Variants in MIEF2 observed in about 807,000 individuals in gnomAD.
MIEF2 encodes the protein mitochondrial elongation factor 2.
MIEF2 carries 1 observed loss-of-function variant against 7.4 expected under a neutral mutation model. That is an observed-to-expected ratio of 0.14 (90% confidence interval 0.05 to 0.64). The LOEUF is 0.64. Ranked by LOEUF, MIEF2 falls within the 30% of genes least tolerant of loss-of-function variation. The pLI, the probability that MIEF2 is intolerant of heterozygous loss-of-function variation, is 0.85. For missense variants in MIEF2, 569 were observed against 623.9 expected (o/e 0.91, Z 0.94); for synonymous variants, 275 against 290.5 (o/e 0.95, Z 0.54).
intron 3 of MIEF2, 174 bp downstream of exon 3, chr17:18,263,422 G>A (rs139394616): frequency 5.8e-5 from 58 of 1,000,234 alleles, no homozygotes; most frequent in Non-Finnish European, 8.2e-5. Context: ...CAAGGTGGTA[G>A]CGTTGTGATG....
rs115052842 is a variant in MIEF2 at position 18,261,283 on chromosome 17, G to A, written c.-8+546G>A. ...GATTGAAACCGGCCCTGGGGCCGTGGCGGGTCACCCGGTTGGCCTGGGATC... is the reference window on the plus strand; with the variant it reads ...GATTGAAACCGGCCCTGGGGCCGTGACGGGTCACCCGGTTGGCCTGGGATC... On this transcript the variant is annotated intron_variant, in intron 1 of 3. Coordinates refer to ENST00000323019, the MANE Select transcript of MIEF2 (RefSeq NM_139162.4). 6,434 of 1,238,936 alleles carry A rather than the reference G, an allele frequency of 5.2e-3. 265 individuals carry two copies. The African/African-American group carries it at 0.083, about 16-fold the overall frequency. 76.7% of individuals were successfully genotyped at this position (1,238,936 alleles called of 1,614,324 possible).
intron 1 of MIEF2, 122 bp downstream of exon 1, chr17:18,260,859 T>C (rs1383871547): frequency 3.9e-6 from 2 of 511,508 alleles, no homozygotes; most frequent in Non-Finnish European, 7.0e-6. Context: ...GAGGGGACCT[T>C]TGGGGGACCA....
intron 1 of MIEF2, among the ~76,000 whole-genome samples, chr17:18,262,104 T>C (rs1393969063): frequency 6.6e-6 from 1 of 152,206 alleles, no homozygotes; most frequent in Non-Finnish European, 1.5e-5. Flanking sequence ...GAGGTTATCA[T>C]AGAGGGCTGC....
Position 18,264,261 on chromosome 17 carries a change from C to T in MIEF2, c.862C>T (p.Leu288=). The change falls in exon 4 of 4, where the codon CTG becomes TTG. Residue 288 remains leucine (L), a synonymous_variant. Transcript: ENST00000323019. The part of the protein sequence containing the change: ...LIRPSMASEE[L]LLEVQHERLE... Reference sequence around the variant, plus strand: ...CCGGCCCAGCATGGCCTCGGAGGAGCTGCTGCTCGAGGTGCAGCACGAACG... The same window carrying T: ...CCGGCCCAGCATGGCCTCGGAGGAGTTGCTGCTCGAGGTGCAGCACGAACG... 1 of 1,605,734 alleles carries T rather than the reference C, an allele frequency of 6.2e-7. No individual in the cohort carries two copies.
Position 18,264,916 on chromosome 17 carries a change from G to GCT in MIEF2, c.*153_*154dup. 1.5e-6 allele frequency: 2 copies of GCT among 1,350,268 alleles called. No individual in the cohort carries two copies. Among genetic ancestry groups the GCT allele is most frequent in the Non-Finnish European group, 2.0e-6 (2 of 1,024,022 alleles). The allele number at this position is 1,350,268 out of a possible 1,614,324, so 83.6% of individuals were successfully genotyped here. On this transcript the variant is annotated 3_prime_UTR_variant, in exon 4 of 4. Coordinates refer to ENST00000323019, the MANE Select transcript of MIEF2 (RefSeq NM_139162.4). Reference sequence around the variant, plus strand: ...ACCCAGGGCATCAGGATGTGCTTGGGCTATGGTGGCCATAAACCCTGAGCC... The same window carrying GCT: ...ACCCAGGGCATCAGGATGTGCTTGGGCTCTATGGTGGCCATAAACCCTGAGCC...
chr17:18,263,365 C>T (rs759842961), intron 3 of MIEF2, 117 bp downstream of exon 3: 1 of 1,380,636 alleles, frequency 7.2e-7, no homozygotes, highest in South Asian at 1.2e-5. Flanking sequence ...GTTGTGGGCT[C>T]CTCAGATATT....
Sources: allele counts gnomAD v4.1 joint callset (sites outside exome capture counted in the v4.1 genomes callset), GRCh38; gene constraint gnomAD v4.1.1; transcripts MANE v1.5; gene names NCBI Gene and HGNC (gene_info 2026-07-23, HGNC 2026-07-21).